The following MUSK variants were observed in gnomAD, a reference collection of about 807,000 sequenced individuals.
The protein encoded by MUSK is muscle associated receptor tyrosine kinase.
Under a neutral mutation model 88.7 loss-of-function variants are expected in MUSK, and 55 were observed. The ratio of observed to expected loss-of-function variants is 0.62; its 90% CI spans 0.50 to 0.78. MUSK has a LOEUF of 0.78. Ranked by LOEUF, MUSK falls within the 30% of genes least tolerant of loss-of-function variation. The pLI is 0.00. For missense variants in MUSK, 1,015 were observed against 1,074.3 expected, an observed-to-expected ratio of 0.94 and a Z score of 0.77; for synonymous variants, 387 against 391.9, an observed-to-expected ratio of 0.99 and a Z score of 0.15.
At chr9:110,760,331 T>C (rs551844074) in intron 7 of MUSK, among the ~76,000 whole-genome samples, 25 of 152,238 alleles carry the variant, frequency 1.6e-4, no homozygotes, top group African/African-American at 5.3e-4. Flanking sequence ...CAATGACAGA[T>C]TGGACAAAGG....
At chr9:110,730,556 G>T (rs1182721622) in intron 5 of MUSK, among the ~76,000 whole-genome samples, 1 of 151,972 alleles carries the variant, frequency 6.6e-6, no homozygotes, top group African/African-American at 2.4e-5. Flanking sequence ...TTTTCAGATT[G>T]TGACTACCAC....
intron 5 of MUSK, among the ~76,000 whole-genome samples, chr9:110,732,422 G>A (rs1301743972): frequency 3.3e-5 from 5 of 152,120 alleles, no homozygotes; most frequent in Middle Eastern, 3.4e-3. Context: ...AGTCTGTAAC[G>A]TGTGAATTTA....
intron 14 of MUSK, among the ~76,000 whole-genome samples, chr9:110,791,411 G>C (rs1364919784): frequency 1.4e-5 from 1 of 72,902 alleles, no homozygotes; most frequent in Non-Finnish European, 2.9e-5. Flanking sequence ...ACCGGCTTAA[G>C]AAACGGCGCA....
At chr9:110,785,474 A>G in intron 12 of MUSK, 53 bp from the exon 13 acceptor site, 1 of 1,410,580 alleles carries the variant, frequency 7.1e-7, no homozygotes, top group Non-Finnish European at 9.5e-7. Flanking sequence ...TCTAAGTACA[A>G]AGATCTAACC....
At chr9:110,693,469 A>T (rs556127838) in intron 3 of MUSK, among the ~76,000 whole-genome samples, 3 of 152,144 alleles carry the variant, frequency 2.0e-5, no homozygotes, top group African/African-American at 7.2e-5. Context: ...TCCCTCCCCT[A>T]AATTCCTAAT....
At chr9:110,731,039 T>A (rs750161234) in intron 5 of MUSK, among the ~76,000 whole-genome samples, 11 of 152,028 alleles carry the variant, frequency 7.2e-5, no homozygotes, top group Non-Finnish European at 1.2e-4. Context: ...GAGATACACA[T>A]AACATATCCA....
chr9:110,704,809 C>A (rs987547485), intron 5 of MUSK, among the ~76,000 whole-genome samples: 3 of 151,734 alleles, frequency 2.0e-5, no homozygotes, highest in Admixed American at 2.0e-4. Flanking sequence ...CATGGTGAAA[C>A]CCCATCTCTA....
At chr9:110,771,868 A>C (rs2077579898) in intron 9 of MUSK, among the ~76,000 whole-genome samples, 1 of 152,092 alleles carries the variant, frequency 6.6e-6, no homozygotes. Context: ...TTGGTATTAT[A>C]CCTCCTAATT....
At chr9:110,681,640 T>A (rs776798254) in intron 1 of MUSK, among the ~76,000 whole-genome samples, 1 of 151,900 alleles carries the variant, frequency 6.6e-6, no homozygotes, top group African/African-American at 2.4e-5. Context: ...CAAAATAACA[T>A]TAGCAAGGGA....
At chr9:110,745,858 T>C (rs531003857) in intron 6 of MUSK, among the ~76,000 whole-genome samples, 1 of 152,278 alleles carries the variant, frequency 6.6e-6, no homozygotes, top group Non-Finnish European at 1.5e-5. Flanking sequence ...GTACTGAAGG[T>C]AAAGAATAAA....
At chr9:110,682,439 G>A (rs966560465) in intron 1 of MUSK, among the ~76,000 whole-genome samples, 18 of 151,836 alleles carry the variant, frequency 1.2e-4, no homozygotes, top group African/African-American at 3.4e-4. Flanking sequence ...GCCTCTCCTC[G>A]TATATCATAA....
intron 1 of MUSK, among the ~76,000 whole-genome samples, chr9:110,677,500 C>G (rs1410802515): frequency 6.6e-6 from 1 of 152,228 alleles, no homozygotes; most frequent in Non-Finnish European, 1.5e-5. Context: ...GCTTACAACT[C>G]TGATTTCTTC....
intron 7 of MUSK, 52 bp downstream of exon 7, chr9:110,747,852 C>T (rs773761929): frequency 1.3e-6 from 2 of 1,575,974 alleles, no homozygotes; most frequent in Non-Finnish European, 1.7e-6. Flanking sequence ...AGAGTTGATA[C>T]TATTCTACAA....
chr9:110,768,094 A>G lies in MUSK; in HGVS notation c.1184+11A>G, dbSNP rs1298204178. 2 of 1,581,266 alleles carry G rather than the reference A, an allele frequency of 1.3e-6. No individual in the cohort carries two copies. Among genetic ancestry groups the G allele is most frequent in the Non-Finnish European group, 1.7e-6 (2 of 1,162,922 alleles). On this transcript the variant is annotated intron_variant, in intron 9 of 14. Transcript: ENST00000374448. Reference sequence around the variant, plus strand: ...TATTCCCATTTGCAGGTAAAATCTCAAAAATAAGTCAAAGGAAAAATTCCA... The same window carrying G: ...TATTCCCATTTGCAGGTAAAATCTCGAAAATAAGTCAAAGGAAAAATTCCA...
intron 6 of MUSK, among the ~76,000 whole-genome samples, chr9:110,736,543 G>A (rs1405082459): frequency 6.6e-6 from 1 of 152,122 alleles, no homozygotes; most frequent in East Asian, 1.9e-4. Flanking sequence ...GTCAAGAGAT[G>A]AGAGGCAGGC....
intron 7 of MUSK, among the ~76,000 whole-genome samples, chr9:110,758,229 G>A (rs568583847): frequency 6.6e-6 from 1 of 152,282 alleles, no homozygotes; most frequent in East Asian, 1.9e-4. Flanking sequence ...CTCCCAAAGT[G>A]CTGGAATTAC....
chr9:110,692,879 G>C (rs755246510), intron 3 of MUSK, among the ~76,000 whole-genome samples: 2 of 151,180 alleles, frequency 1.3e-5, no homozygotes, highest in Non-Finnish European at 2.9e-5. Context: ...TTTTGTTTGG[G>C]TTCCATCCTT....
intron 8 of MUSK, 130 bp from the exon 9 acceptor site, chr9:110,767,690 C>T: frequency 1.0e-6 from 1 of 981,216 alleles, no homozygotes; most frequent in Non-Finnish European, 1.6e-6. Context: ...TGGAGCGTGT[C>T]AACCAATTTA....
intron 6 of MUSK, 82 bp from the exon 7 acceptor site, chr9:110,747,559 A>G (rs1240889713): frequency 2.2e-6 from 3 of 1,390,226 alleles, no homozygotes; most frequent in African/African-American, 2.9e-5. Flanking sequence ...TTATAATCTT[A>G]ATGCTTTTCC....
Sources: gnomAD v4.1 joint callset for allele counts (sites outside exome capture counted in the v4.1 genomes callset) on GRCh38, gnomAD v4.1.1 for gene constraint, MANE v1.5 for transcripts, NCBI Gene and HGNC (gene_info 2026-07-23, HGNC 2026-07-21) for gene names.